Variants in LRP5 observed in about 807,000 individuals in gnomAD.
The protein encoded by LRP5 is low-density lipoprotein receptor-related protein 5.
In LRP5, 62 loss-of-function variants were observed where a neutral mutation model predicts 154.1. That is an observed-to-expected ratio of 0.40 (90% confidence interval 0.33 to 0.50). The LOEUF (loss-of-function observed/expected upper bound fraction) is 0.50. LRP5 is among the 20% of genes least tolerant of loss of function. The pLI is 0.55. For synonymous variants in LRP5, 966 were observed against 1,011.5 expected, an observed-to-expected ratio of 0.96 and a Z score of 0.85; for missense variants, 1,915 against 2,336.7, an observed-to-expected ratio of 0.82 and a Z score of 3.72.
intron 5 of LRP5, among the ~76,000 whole-genome samples, chr11:68,380,605 G>T (rs1267670720): frequency 6.6e-6 from 1 of 152,228 alleles, no homozygotes; most frequent in African/African-American, 2.4e-5. Context: ...TCTGCTGCAC[G>T]CACGGCGGGC....
chr11:68,426,230 A>G, intron 16 of LRP5, 43 bp downstream of exon 16: 1 of 1,559,580 alleles, frequency 6.4e-7, no homozygotes, highest in Non-Finnish European at 8.8e-7. Context: ...TGGCCTCTAA[A>G]CCCGACCCCT....
At chr11:68,408,242 ATTTTTTTTT>A (rs11299690) in intron 9 of LRP5, among the ~76,000 whole-genome samples, 1 of 52,110 alleles carries the variant, frequency 1.9e-5, no homozygotes, top group South Asian at 9.3e-4. Flanking sequence ...CTCCTGGCTG[ATTTTTTTTT>A]TTTTTTTTTT....
intron 1 of LRP5, among the ~76,000 whole-genome samples, chr11:68,313,510 G>A (rs1334597214): frequency 1.3e-5 from 2 of 152,192 alleles, no homozygotes; most frequent in Non-Finnish European, 1.5e-5. Flanking sequence ...CACTCCCGTG[G>A]GGAGAGGTAG....
chr11:68,320,173 A>G (rs1022051977), intron 1 of LRP5, among the ~76,000 whole-genome samples: 2 of 152,150 alleles, frequency 1.3e-5, no homozygotes, highest in African/African-American at 2.4e-5. Context: ...TCAAATACAT[A>G]CATACAAGCA....
chr11:68,322,959 G>A (rs1489968041), intron 1 of LRP5, among the ~76,000 whole-genome samples: 1 of 152,234 alleles, frequency 6.6e-6, no homozygotes, highest in Non-Finnish European at 1.5e-5. Context: ...CCCAGACTCC[G>A]TGAGATGCCA....
chr11:68,436,132 G>C (rs2153180023), intron 18 of LRP5, among the ~76,000 whole-genome samples: 2 of 152,356 alleles, frequency 1.3e-5, no homozygotes, highest in African/African-American at 4.8e-5. Flanking sequence ...GCTGGTGGCA[G>C]GCCCTTACGC....
chr11:68,307,548 T>C, the LRP5 span, among the ~76,000 whole-genome samples: 1 of 152,012 alleles, frequency 6.6e-6, no homozygotes. Context: ...TCCCAGCTAC[T>C]TGGGAGACTG....
At chr11:68,422,503 TCTC>T (rs1304452518) in intron 13 of LRP5, among the ~76,000 whole-genome samples, 1 of 152,112 alleles carries the variant, frequency 6.6e-6, no homozygotes, top group African/African-American at 2.4e-5. Context: ...TGGGCTGTCC[TCTC>T]CTCCTACGTC....
intron 1 of LRP5, among the ~76,000 whole-genome samples, chr11:68,334,306 C>T (rs998849711): frequency 6.6e-6 from 1 of 152,116 alleles, no homozygotes; most frequent in Non-Finnish European, 1.5e-5. Context: ...GGGTGATTGG[C>T]ATCCAGCATC....
intron 17 of LRP5, among the ~76,000 whole-genome samples, chr11:68,432,154 C>T (rs1315397018): frequency 6.6e-6 from 1 of 152,198 alleles, no homozygotes; most frequent in African/African-American, 2.4e-5. Flanking sequence ...CCCCAGTGTC[C>T]CAGTTACAGC....
chr11:68,299,478 T>C, the LRP5 span, among the ~76,000 whole-genome samples: 1 of 142,768 alleles, frequency 7.0e-6, no homozygotes, highest in African/African-American at 2.8e-5. Flanking sequence ...TCAGTGTAGA[T>C]GGCAGGGTGG....
intron 9 of LRP5, among the ~76,000 whole-genome samples, chr11:68,408,333 C>G (rs1308359880): frequency 6.7e-6 from 1 of 149,250 alleles, no homozygotes; most frequent in Non-Finnish European, 1.5e-5. Flanking sequence ...ACACCCACCT[C>G]AGCCTCCCAA....
intron 1 of LRP5, among the ~76,000 whole-genome samples, chr11:68,337,847 A>C (rs1164938268): frequency 6.6e-6 from 1 of 150,636 alleles, no homozygotes; most frequent in Non-Finnish European, 1.5e-5. Flanking sequence ...TGCCAACTCC[A>C]CCCACAGCCA....
chr11:68,446,927 G>A (rs2098681765), intron 22 of LRP5: 4 of 346,432 alleles, frequency 1.2e-5, no homozygotes, highest in South Asian at 6.8e-5. Flanking sequence ...GTCCTCTTAG[G>A]ATGGGACAAG....
the LRP5 span, among the ~76,000 whole-genome samples, chr11:68,301,874 T>C: frequency 0.81 from 119,418 of 148,214 alleles, 48,386 homozygotes; most frequent in African/African-American, 0.86. Flanking sequence ...GTGATCCGCC[T>C]GCCTCGGCCT....
In LRP5 at chr11:68,417,777, A is replaced by G. The variant is rs148387488; in HGVS notation, c.3027+1250A>G. On this transcript the variant is annotated intron_variant, in intron 13 of 22. Transcript: ENST00000294304. ...TGGTGAAACCCCGTCTCTACTGAAT[A>G]TACAAAAATCAGCTGGGTGTGGTGG... Among the ~76,000 whole-genome samples, 141 of 151,676 alleles carry G rather than the reference A, an allele frequency of 9.3e-4. 1 individual carries two copies. Among genetic ancestry groups the G allele is most frequent in the African/African-American group, 2.9e-3 (121 of 41,384 alleles).
intron 6 of LRP5, among the ~76,000 whole-genome samples, chr11:68,388,390 G>A (rs1428551681): frequency 2.6e-5 from 4 of 152,132 alleles, no homozygotes; most frequent in Non-Finnish European, 5.9e-5. Context: ...GGTTTCATGA[G>A]TCTGAGGATC....
At chr11:68,305,468 G>A in the LRP5 span, among the ~76,000 whole-genome samples, 1 of 152,024 alleles carries the variant, frequency 6.6e-6, no homozygotes, top group Non-Finnish European at 1.5e-5. Context: ...TTGAGACAGG[G>A]TTTCTCTCTT....
intron 1 of LRP5, among the ~76,000 whole-genome samples, chr11:68,327,634 CAGT>C (rs564601097): frequency 4.5e-4 from 68 of 152,276 alleles, no homozygotes; most frequent in African/African-American, 1.6e-3. Flanking sequence ...AATGGGGTGA[CAGT>C]AGTTCCACCT....
Sources: allele counts gnomAD v4.1 joint callset (sites outside exome capture counted in the v4.1 genomes callset), GRCh38; gene constraint gnomAD v4.1.1; transcripts MANE v1.5; gene names NCBI Gene and HGNC (gene_info 2026-07-23, HGNC 2026-07-21).